Variants in LRIG1 observed in about 807,000 individuals in gnomAD.
LRIG1 encodes leucine rich repeats and immunoglobulin like domains 1, also known as leucine-rich repeats and immunoglobulin-like domains protein 1.
Under a neutral mutation model 99.2 loss-of-function variants are expected in LRIG1, and 48 were observed. That is an observed-to-expected ratio of 0.48 (90% CI 0.38 to 0.62). LRIG1 has a LOEUF of 0.62. Ranked by LOEUF, LRIG1 falls within the 20% of genes least tolerant of loss-of-function variation. The pLI, the probability that LRIG1 is intolerant of heterozygous loss-of-function variation, is 0.00. For synonymous variants in LRIG1, 772 were observed against 596.1 expected, an observed-to-expected ratio of 1.29 and a Z score of -4.30; for missense variants, 1,646 against 1,434.4, an observed-to-expected ratio of 1.15 and a Z score of -2.38.
intron 3 of LRIG1, among the ~76,000 whole-genome samples, chr3:66,425,317 T>C (rs1399991520): frequency 4.6e-5 from 7 of 152,264 alleles, no homozygotes; most frequent in African/African-American, 1.7e-4. Context: ...TCTACGTAGC[T>C]TGGCCTCGGC....
At chr3:66,384,787 G>A (rs1019832697) in intron 13 of LRIG1, among the ~76,000 whole-genome samples, 3 of 152,192 alleles carry the variant, frequency 2.0e-5, no homozygotes, top group African/African-American at 7.2e-5. Flanking sequence ...CGTATACCCA[G>A]GCAGGAAGCA....
At chr3:66,426,300 G>A (rs1015754640) in intron 3 of LRIG1, among the ~76,000 whole-genome samples, 2 of 152,200 alleles carry the variant, frequency 1.3e-5, no homozygotes, top group African/African-American at 2.4e-5. Context: ...AAATGAATGA[G>A]TGTGGCTATG....
At chr3:66,421,814 T>C (rs1702823259) in intron 3 of LRIG1, among the ~76,000 whole-genome samples, 1 of 152,256 alleles carries the variant, frequency 6.6e-6, no homozygotes, top group African/African-American at 2.4e-5. Context: ...TAGCAGAGGT[T>C]CTTCATGAGG....
chr3:66,409,296 A>C (rs1310808603), intron 7 of LRIG1, among the ~76,000 whole-genome samples: 3 of 152,254 alleles, frequency 2.0e-5, no homozygotes, highest in Non-Finnish European at 4.4e-5. Flanking sequence ...GTGAAAACAC[A>C]AACTATAGAC....
intron 1 of LRIG1, among the ~76,000 whole-genome samples, chr3:66,475,026 C>A (rs1274148782): frequency 6.6e-6 from 1 of 152,198 alleles, no homozygotes; most frequent in Non-Finnish European, 1.5e-5. Context: ...ATTCACAGAG[C>A]ATCTTCACAT....
In LRIG1 at chr3:66,394,197, G is replaced by C; in HGVS notation, c.1311C>G (p.Ile437Met). 1.3e-6 allele frequency: 2 copies of C among 1,587,508 alleles called. No individual in the cohort carries two copies. Among genetic ancestry groups the C allele is most frequent in the South Asian group, 1.2e-5 (1 of 85,924 alleles). Residue 437 changes from isoleucine to methionine, a missense_variant, in exon 12 of 19, where the codon ATC (isoleucine) becomes ATG (methionine). Coordinates refer to ENST00000273261, the MANE Select transcript of LRIG1 (RefSeq NM_015541.3). The part of the protein sequence containing the change: ...VKMKNLKELH[I>M]SSDSFLCDCQ... ...AGTCACACAGGAAGCTGTCGCTGCT[G>C]ATATGGCTGAAAGAAACACAACAGT... is the stretch of plus-strand genomic sequence containing the variant.
intron 5 of LRIG1, 92 bp downstream of exon 5, chr3:66,414,828 G>C: frequency 1.6e-6 from 2 of 1,263,168 alleles, no homozygotes; most frequent in East Asian, 2.5e-5. Flanking sequence ...ATGGAGCAAG[G>C]AAAGGGTGGC....
chr3:66,408,985 A>C, intron 7 of LRIG1, among the ~76,000 whole-genome samples: 1 of 91,846 alleles, frequency 1.1e-5, no homozygotes, highest in East Asian at 5.5e-4. Flanking sequence ...GGGGAGGAGG[A>C]GGGAAGGAAG....
chr3:66,383,229 C>T lies in LRIG1; in HGVS notation c.2244G>A (p.Leu748=). ...RHHLTPDNQL[L]VVQNVVAEDA... ...CCTCTGCCACCACGTTCTGAACCAC[C>T]AGGAGCTGGTTGTCAGGGGTCAAGT... is the stretch of plus-strand genomic sequence containing the variant. Residue 748 remains leucine (L), a synonymous_variant, in exon 15 of 19, where the codon CTG becomes CTA. Transcript: ENST00000273261. 4 of 1,614,234 alleles carry T rather than the reference C, an allele frequency of 2.5e-6. No individual in the cohort carries two copies. Among genetic ancestry groups the T allele is most frequent in the African/African-American group, 1.3e-5 (1 of 75,078 alleles).
chr3:66,405,596 T>C (rs1379813454), intron 8 of LRIG1, among the ~76,000 whole-genome samples: 2 of 152,202 alleles, frequency 1.3e-5, no homozygotes, highest in African/African-American at 2.4e-5. Context: ...AGCGGACATC[T>C]GGCCCCAGCA....
At chr3:66,444,801 T>C (rs1427812411) in intron 3 of LRIG1, among the ~76,000 whole-genome samples, 1 of 152,036 alleles carries the variant, frequency 6.6e-6, no homozygotes, top group Non-Finnish European at 1.5e-5. Context: ...TCAACAAAAA[T>C]CTGTGCAAAC....
intron 3 of LRIG1, among the ~76,000 whole-genome samples, chr3:66,421,140 C>T (rs374845540): frequency 6.6e-6 from 1 of 152,114 alleles, no homozygotes; most frequent in South Asian, 2.1e-4. Context: ...TTGTGGGAGT[C>T]AATTCAAGAT....
At chr3:66,404,887 A>G (rs1164974720) in intron 9 of LRIG1, among the ~76,000 whole-genome samples, 1 of 152,212 alleles carries the variant, frequency 6.6e-6, no homozygotes, top group East Asian at 1.9e-4. Context: ...TCCTTTGTAC[A>G]AAGGGCAACA....
In LRIG1 at chr3:66,424,146, G is replaced by A. The variant is rs189305627; in HGVS notation, c.366-6880C>T. On this transcript the variant is annotated intron_variant, in intron 3 of 18. Transcript: ENST00000273261. ...AACCCAGCCACTGGGAAGACCCCACGTTTCAAAGCAAATCCCAGACTGCAA... is the reference window on the plus strand; with the variant it reads ...AACCCAGCCACTGGGAAGACCCCACATTTCAAAGCAAATCCCAGACTGCAA... Among the ~76,000 whole-genome samples the A allele has an allele frequency of 5.9e-4, 90 of 152,240 alleles. No individual in the cohort carries two copies. In the South Asian group the frequency reaches 0.011, roughly 18 times the overall value.
chr3:66,390,984 C>G (rs1159710994), intron 12 of LRIG1, among the ~76,000 whole-genome samples: 1 of 151,754 alleles, frequency 6.6e-6, no homozygotes, highest in African/African-American at 2.4e-5. Context: ...CAAATGAATA[C>G]TGGCAAATGA....
intron 3 of LRIG1, among the ~76,000 whole-genome samples, chr3:66,434,600 A>G (rs979495307): frequency 2.0e-5 from 3 of 152,106 alleles, no homozygotes; most frequent in African/African-American, 7.2e-5. Flanking sequence ...TACAAAAATT[A>G]GCCAGGCCTG....
intron 7 of LRIG1, 91 bp downstream of exon 7, chr3:66,410,038 C>G: frequency 7.2e-7 from 1 of 1,379,396 alleles, no homozygotes; most frequent in Non-Finnish European, 9.9e-7. Context: ...CTCCCCGAGG[C>G]CACTGTGTGG....
intron 1 of LRIG1, among the ~76,000 whole-genome samples, chr3:66,485,423 C>T (rs1205977255): frequency 2.0e-5 from 3 of 152,104 alleles, no homozygotes; most frequent in Admixed American, 6.5e-5. Context: ...CTCGGGTCAG[C>T]GTTAACACCA....
rs1429061929 is a variant in LRIG1 at position 66,500,470 on chromosome 3, C to T, written c.-63G>A. On this transcript the variant is annotated 5_prime_UTR_variant, in exon 1 of 19. Coordinates refer to ENST00000273261, the MANE Select transcript of LRIG1 (RefSeq NM_015541.3). ...CTGTGAGGACCCGAACGGCCGCAGA[C>T]GCGGGCGGGCCCGCGGGGCGCTCCG... The T allele has an allele frequency of 2.0e-6, 2 of 1,023,642 alleles. No individual in the cohort carries two copies. The highest frequency in any genetic ancestry group is 3.3e-5 in the East Asian group (1 of 30,110). The allele number at this position is 1,023,642 out of a possible 1,614,324, so 63.4% of individuals were successfully genotyped here.
Sources: allele counts gnomAD v4.1 joint callset (sites outside exome capture counted in the v4.1 genomes callset), GRCh38; gene constraint gnomAD v4.1.1; transcripts MANE v1.5; gene names NCBI Gene and HGNC (gene_info 2026-07-23, HGNC 2026-07-21).